ATP10D: variants seen among roughly 807,000 people sequenced by gnomAD.
ATP10D encodes the protein phospholipid-transporting ATPase VD.
A neutral mutation model predicts 144.8 loss-of-function variants in ATP10D; 89 were observed. The observed-to-expected ratio is 0.61, with a 90% CI of 0.52 to 0.73. The LOEUF (loss-of-function observed/expected upper bound fraction) is 0.73, where lower values mean the gene tolerates loss of function less well. ATP10D is among the 30% of genes least tolerant of loss of function. The probability of loss-of-function intolerance (pLI) is 0.00; values close to 1 mark genes in which losing one functional copy is unlikely to be tolerated. For synonymous variants in ATP10D, 571 were observed against 615.1 expected, an observed-to-expected ratio of 0.93 and a Z score of 1.06; for missense variants, 1,603 against 1,714.8, an observed-to-expected ratio of 0.93 and a Z score of 1.15.
chr4:47,590,901 T>G, intron 22 of ATP10D, 141 bp from the exon 23 acceptor site: 1 of 528,592 alleles, frequency 1.9e-6, no homozygotes, highest in Non-Finnish European at 3.3e-6. Flanking sequence ...TGTATTAGAG[T>G]TCGGTTACCC....
chr4:47,524,073 C>T (rs139076594), intron 4 of ATP10D, among the ~76,000 whole-genome samples: 18,606 of 152,132 alleles, frequency 0.12, 1,485 homozygotes, highest in South Asian at 0.24. Context: ...ACTACAGGCA[C>T]GTGCCACCAT....
chr4:47,554,748 C>A lies in ATP10D; in HGVS notation c.1658C>A (p.Thr553Asn). The A allele has an allele frequency of 6.2e-7, 1 of 1,612,946 alleles. No individual in the cohort carries two copies. The highest frequency in any genetic ancestry group is 1.1e-5 in the South Asian group (1 of 90,806). The change falls in exon 11 of 23, where the codon ACC becomes AAC. Residue 553 changes from threonine to asparagine, a missense_variant. Transcript: ENST00000273859. ...CAGGAAACAGACGTGGTACCAGACACCAGGCTTTTAGACAAATTTAGTCAG... is the reference window on the plus strand; with the variant it reads ...CAGGAAACAGACGTGGTACCAGACAACAGGCTTTTAGACAAATTTAGTCAG... The part of the protein sequence containing the change: ...SPIETDVVPD[T>N]RLLDKFSQIT...
At chr4:47,531,366 G>A (rs1398626135) in intron 5 of ATP10D, among the ~76,000 whole-genome samples, 1 of 152,138 alleles carries the variant, frequency 6.6e-6, no homozygotes, top group African/African-American at 2.4e-5. Flanking sequence ...ACAATAAAGT[G>A]AAAAGAATGG....
chr4:47,554,982 G>C, intron 11 of ATP10D, 68 bp downstream of exon 11: 1 of 1,301,772 alleles, frequency 7.7e-7, no homozygotes, highest in Non-Finnish European at 1.1e-6. Flanking sequence ...AAATGTATCT[G>C]TACTGAGCTT....
chr4:47,581,574 T>C (rs1301157885), intron 20 of ATP10D, among the ~76,000 whole-genome samples: 1 of 152,204 alleles, frequency 6.6e-6, no homozygotes, highest in Non-Finnish European at 1.5e-5. Flanking sequence ...AGGAATAGTA[T>C]AAGGACTTGA....
rs922739023 is a variant in ATP10D, at chr4:47,496,876, C to A, written c.-38+11357C>A. On this transcript the variant is annotated intron_variant, in intron 1 of 22. Transcript: ENST00000273859. ...TTAATTTTTGAGACTGAGTTTCACT[C>A]TACTGCCCAGGCTGGAGTGCAGTGG... Among the ~76,000 whole-genome samples, 3 of 151,948 alleles carry A rather than the reference C, an allele frequency of 2.0e-5. No homozygotes were observed. The East Asian group carries it at 5.8e-4, about 29-fold the overall frequency.
chr4:47,548,182 G>T (rs1213068548), intron 10 of ATP10D, among the ~76,000 whole-genome samples: 1 of 151,986 alleles, frequency 6.6e-6, no homozygotes, highest in Non-Finnish European at 1.5e-5. Context: ...ACACCTTATT[G>T]GTTTCTTGAT....
intron 19 of ATP10D, 99 bp from the exon 20 acceptor site, chr4:47,580,299 T>G: frequency 1.0e-6 from 1 of 965,716 alleles, no homozygotes; most frequent in Non-Finnish European, 1.6e-6. Context: ...GAAATGGAGC[T>G]TTCTCTCAGA....
intron 1 of ATP10D, among the ~76,000 whole-genome samples, chr4:47,504,454 T>G (rs1715906495): frequency 6.6e-6 from 1 of 152,058 alleles, no homozygotes; most frequent in Non-Finnish European, 1.5e-5. Context: ...CTATAGAGAG[T>G]GTTGAACAAG....
intron 5 of ATP10D, among the ~76,000 whole-genome samples, chr4:47,534,245 G>A (rs1187644081): frequency 6.6e-6 from 1 of 152,120 alleles, no homozygotes; most frequent in African/African-American, 2.4e-5. Flanking sequence ...CCACGTTTTA[G>A]AACTGGCCAA....
At chr4:47,579,890 G>C (rs910200867) in intron 19 of ATP10D, among the ~76,000 whole-genome samples, 38 of 152,242 alleles carry the variant, frequency 2.5e-4, no homozygotes, top group African/African-American at 8.7e-4. Flanking sequence ...TGCGCTGGCA[G>C]CAAGCTGCCT....
chr4:47,591,638 T>C lies in ATP10D; in HGVS notation c.*257T>C. ...AATGCTTTTGTAAAACTTTTTGGAT[T>C]TTGTAAAAGCATTTTCATTCTCTTA... On this transcript the variant is annotated 3_prime_UTR_variant, in exon 23 of 23. Coordinates refer to ENST00000273859, the MANE Select transcript of ATP10D (RefSeq NM_020453.4). The C allele has an allele frequency of 3.6e-6, 1 of 280,382 alleles. No individual in the cohort carries two copies. The allele number at this position is 280,382 out of a possible 1,614,324, so 17.4% of individuals were successfully genotyped here.
At chr4:47,581,793 A>T (rs1488983359) in intron 20 of ATP10D, among the ~76,000 whole-genome samples, 167 bp from the exon 21 acceptor site, 1 of 152,182 alleles carries the variant, frequency 6.6e-6, no homozygotes, top group East Asian at 1.9e-4. Flanking sequence ...CCTGTCTGGG[A>T]GAGAGTCAGT....
At chr4:47,534,618 C>T (rs535329337) in intron 5 of ATP10D, among the ~76,000 whole-genome samples, 1 of 152,212 alleles carries the variant, frequency 6.6e-6, no homozygotes, top group South Asian at 2.1e-4. Context: ...CCTTTTTAAC[C>T]ATTGATTTTA....
chr4:47,557,983 A>G lies in ATP10D; in HGVS notation c.2144A>G (p.Gln715Arg). 2 of 1,614,056 alleles carry G rather than the reference A, an allele frequency of 1.2e-6. No homozygotes were observed. Among genetic ancestry groups the G allele is most frequent in the Non-Finnish European group, 8.5e-7 (1 of 1,179,894 alleles). Residue 715 changes from glutamine to arginine, a missense_variant, in exon 12 of 23, where the codon CAG (glutamine) becomes CGG (arginine). Coordinates refer to ENST00000273859, the MANE Select transcript of ATP10D (RefSeq NM_020453.4). ...GGCAAGGCAGAGTCCCTCCCTGGACAGCCATTGGCCTGCAACCTGTGTTAT... is the reference window on the plus strand; with the variant it reads ...GGCAAGGCAGAGTCCCTCCCTGGACGGCCATTGGCCTGCAACCTGTGTTAT... ...LNGKAESLPG[Q>R]PLACNLCYEA...
chr4:47,585,233 A>G (rs1230880528), intron 21 of ATP10D, among the ~76,000 whole-genome samples: 1 of 152,104 alleles, frequency 6.6e-6, no homozygotes, highest in Non-Finnish European at 1.5e-5. Context: ...TTTATAACAG[A>G]GAATATTAAT....
chr4:47,528,762 C>T (rs972473589), intron 5 of ATP10D, among the ~76,000 whole-genome samples: 10 of 152,088 alleles, frequency 6.6e-5, no homozygotes, highest in Admixed American at 2.0e-4. Flanking sequence ...TACTAATTTA[C>T]ATACACACCA....
chr4:47,545,144 T>A (rs1376714197), intron 9 of ATP10D, among the ~76,000 whole-genome samples: 1 of 152,156 alleles, frequency 6.6e-6, no homozygotes, highest in Non-Finnish European at 1.5e-5. Context: ...AGGAAAGGCT[T>A]CCAGTCAGAA....
chr4:47,554,854 C>T lies in ATP10D; in HGVS notation c.1764C>T (p.Phe588=). 1.2e-6 allele frequency: 2 copies of T among 1,614,156 alleles called. No homozygotes were observed. The highest frequency in any genetic ancestry group is 1.7e-6 in the Non-Finnish European group (2 of 1,180,012). ...PMETLYIIDF[F]IALAICNTVV... ...AAACTTTGTACATTATCGACTTTTT[C>T]ATTGCATTGGCAATTTGCAACACAG... is the stretch of plus-strand genomic sequence containing the variant. Residue 588 remains phenylalanine (F), a synonymous_variant, in exon 11 of 23, where the codon TTC becomes TTT. Transcript: ENST00000273859.
Sources: gnomAD v4.1 joint callset for allele counts (sites outside exome capture counted in the v4.1 genomes callset) on GRCh38, gnomAD v4.1.1 for gene constraint, MANE v1.5 for transcripts, NCBI Gene and HGNC (gene_info 2026-07-23, HGNC 2026-07-21) for gene names.